Variants in ITPK1 observed in about 807,000 individuals in gnomAD.
ITPK1 encodes the protein inositol 1,3,4-trisphosphate 5/6-kinase.
In ITPK1, 21 loss-of-function variants were observed where a neutral mutation model predicts 45.3. The observed-to-expected ratio is 0.46, with a 90% CI of 0.33 to 0.67. The LOEUF is 0.67. Among genes scored for constraint, ITPK1 ranks in the 30% least tolerant of loss-of-function variants. The pLI is 0.02. For missense variants in ITPK1, 474 were observed against 573.5 expected, an observed-to-expected ratio of 0.83 and a Z score of 1.77; for synonymous variants, 258 against 253.6, an observed-to-expected ratio of 1.02 and a Z score of -0.16.
At chr14:93,037,840 A>G (rs1450296927) in intron 3 of ITPK1, among the ~76,000 whole-genome samples, 1 of 152,242 alleles carries the variant, frequency 6.6e-6, no homozygotes, top group African/African-American at 2.4e-5. Context: ...ATTAATGTCC[A>G]TTGTAAGAGA....
intron 5 of ITPK1, among the ~76,000 whole-genome samples, chr14:92,971,774 C>T (rs1028949673): frequency 1.3e-5 from 2 of 152,202 alleles, no homozygotes; most frequent in African/African-American, 4.8e-5. Context: ...CCAGTGATGC[C>T]GCCCACCTCC....
At chr14:93,023,305 G>A (rs1160502526) in intron 3 of ITPK1, among the ~76,000 whole-genome samples, 1 of 152,216 alleles carries the variant, frequency 6.6e-6, no homozygotes, top group Non-Finnish European at 1.5e-5. Context: ...TTCCTGGGCA[G>A]AGCATGTAAC....
chr14:93,032,894 G>A lies in ITPK1; in HGVS notation c.121-16093C>T, dbSNP rs969316491. Among the ~76,000 whole-genome samples, 12 of 152,220 alleles carry A rather than the reference G, an allele frequency of 7.9e-5. No individual in the cohort carries two copies. The highest frequency in any genetic ancestry group is 1.6e-4 in the Non-Finnish European group (11 of 68,034). The stretch of plus-strand genomic sequence containing the variant: ...CGGATCGGATCGTGCACCCTGCAAA[G>A]CCAGCCCTTTTCTCTAGGGGGTGAG... On this transcript the variant is annotated intron_variant, in intron 3 of 10. Transcript: ENST00000267615. This position sits in a 1 kb window ranked among gnomAD's most constrained non-coding sequence, Gnocchi z 4.0.
intron 8 of ITPK1, among the ~76,000 whole-genome samples, 185 bp from the exon 9 acceptor site, chr14:92,952,198 C>T (rs1431298060): frequency 1.3e-5 from 2 of 152,216 alleles, no homozygotes; most frequent in African/African-American, 2.4e-5. Context: ...ATCAGGGCTC[C>T]GGTTCACCTT....
intron 5 of ITPK1, among the ~76,000 whole-genome samples, chr14:92,991,210 G>A (rs555476379): frequency 1.3e-5 from 2 of 152,268 alleles, no homozygotes; most frequent in South Asian, 2.1e-4. Context: ...GGCCCAGGGT[G>A]TGCTTCCCAG....
intron 2 of ITPK1, among the ~76,000 whole-genome samples, chr14:93,089,130 C>T (rs1452719905): frequency 6.6e-6 from 1 of 152,216 alleles, no homozygotes; most frequent in Non-Finnish European, 1.5e-5. Context: ...AATCCTCCCT[C>T]AGAACCTTGA....
chr14:93,101,149 TC>T (rs1892302934), intron 2 of ITPK1, among the ~76,000 whole-genome samples: 1 of 152,186 alleles, frequency 6.6e-6, no homozygotes, highest in South Asian at 2.1e-4. Flanking sequence ...CACCCTCGCC[TC>T]TTCACACTCC....
intron 3 of ITPK1, chr14:93,069,012 A>G (rs1235350265): frequency 1.3e-5 from 2 of 152,322 alleles, no homozygotes; most frequent in Non-Finnish European, 2.9e-5. Flanking sequence ...CCGGCCAGAA[A>G]CAAGGGAGGA....
In ITPK1 at chr14:92,952,011, G is replaced by T; in HGVS notation, c.673C>A (p.Arg225Ser). The change falls in exon 9 of 11, where the codon CGT (arginine) becomes AGT (serine). Residue 225 changes from arginine to serine, a missense_variant and splice_region_variant. Arg to Ser is a moderately radical substitution (Grantham distance 110). Around this residue, in one of 2 missense-constraint regions of ITPK1, gnomAD observed 367 missense variants for 480.6 expected, o/e 0.76. Coordinates refer to ENST00000267615, the MANE Select transcript of ITPK1 (RefSeq NM_014216.6). ...TGGCTGTTGAAGAAGATGGACTCAC[G>T]GTCTGAAAAAGCGACAGGAAGGAGC... ...LKNFSAGTSD[R>S]ESIFFNSHNV... is the part of the protein sequence containing the mutation. 6.4e-7 allele frequency: 1 copy of T among 1,568,942 alleles called. No homozygotes were observed. The highest frequency in any genetic ancestry group is 8.6e-7 in the Non-Finnish European group (1 of 1,156,356).
chr14:93,003,892 AAGTTATCTGTATCTCAGTTTCC>A (rs1887480841), intron 4 of ITPK1, among the ~76,000 whole-genome samples: 1 of 152,214 alleles, frequency 6.6e-6, no homozygotes, highest in Non-Finnish European at 1.5e-5. Flanking sequence ...AAAGTCACTT[AAGTTATCTGTATCTCAGTTTCC>A]CATCTGTAAG....
intron 3 of ITPK1, among the ~76,000 whole-genome samples, chr14:93,027,527 G>T (rs1888800139): frequency 6.6e-6 from 1 of 152,186 alleles, no homozygotes; most frequent in African/African-American, 2.4e-5. Context: ...AGCTAATGAT[G>T]AAGGAGCTGG....
At chr14:93,066,344 G>C in intron 3 of ITPK1, 2 of 438,840 alleles carry the variant, frequency 4.6e-6, no homozygotes, top group Non-Finnish European at 9.2e-6. Flanking sequence ...GTGTGTGTAG[G>C]GGGCAGAGGC....
chr14:93,007,521 A>C (rs1887683225), intron 4 of ITPK1, among the ~76,000 whole-genome samples: 1 of 152,114 alleles, frequency 6.6e-6, no homozygotes, highest in Non-Finnish European at 1.5e-5. Context: ...GCAGGGAGAG[A>C]ACAGTCATCC....
chr14:93,056,671 C>G (rs955199013), intron 3 of ITPK1, among the ~76,000 whole-genome samples: 3 of 152,202 alleles, frequency 2.0e-5, no homozygotes, highest in African/African-American at 7.2e-5. Flanking sequence ...ATTCCAGAAC[C>G]TTCTATACCA....
In ITPK1 at chr14:93,063,517, A is replaced by G. The variant is rs2139956757; in HGVS notation, c.120+13078T>C. On this transcript the variant is annotated intron_variant, in intron 3 of 10. Transcript: ENST00000267615. This position sits in a 1 kb window ranked among gnomAD's most constrained non-coding sequence, Gnocchi z 4.3. ...CTCCTACGAGGGCCTGAGTTTTAGA[A>G]GGCCTTCTCACTTGCCCTCCCCTCG... Among the ~76,000 whole-genome samples, 1 of 152,326 alleles carries G rather than the reference A, an allele frequency of 6.6e-6. No homozygotes were observed. The highest frequency in any genetic ancestry group is 1.9e-4 in the East Asian group (1 of 5,184).
chr14:92,984,489 T>G (rs1211657036), intron 5 of ITPK1, among the ~76,000 whole-genome samples: 1 of 152,208 alleles, frequency 6.6e-6, no homozygotes, highest in African/African-American at 2.4e-5. Context: ...TACTTAGGAT[T>G]TTTTTCTTTT....
In ITPK1 at chr14:92,942,361, G is replaced by A. The variant is rs116319179; in HGVS notation, c.902-457C>T. Among the ~76,000 whole-genome samples the A allele has an allele frequency of 2.2e-3, 333 of 152,256 alleles. 2 individuals carry two copies. Among genetic ancestry groups the A allele is most frequent in the South Asian group, 7.5e-3 (36 of 4,818 alleles). On this transcript the variant is annotated intron_variant, in intron 10 of 10. Transcript: ENST00000267615. ...TGAGTCTGGCCTCAGGCTGAGTCCC[G>A]GAGACCGCTTCCACCCTGAGCCTCA...
At chr14:92,989,252 C>T (rs535976007) in intron 5 of ITPK1, among the ~76,000 whole-genome samples, 6 of 152,148 alleles carry the variant, frequency 3.9e-5, no homozygotes, top group Non-Finnish European at 7.3e-5. Flanking sequence ...ATTCAATCTG[C>T]GGTATGCACC....
Position 93,088,887 on chromosome 14 carries a change from C to T in ITPK1, c.96-12268G>A, listed in dbSNP as rs117933062. Among the ~76,000 whole-genome samples, 110 of 152,262 alleles carry T rather than the reference C, an allele frequency of 7.2e-4. 1 individual carries two copies. The East Asian group carries it at 0.02, about 28-fold the overall frequency. On this transcript the variant is annotated intron_variant, in intron 2 of 10. Transcript: ENST00000267615. ...GTAAGAAGCAGAACCACAATCTAAA[C>T]CCATCCAAATACCAGTAATTCCCAG...
Sources: allele counts gnomAD v4.1 joint callset (sites outside exome capture counted in the v4.1 genomes callset), GRCh38; gene constraint gnomAD v4.1.1; regional missense constraint gnomAD v4.1.1; non-coding constraint Gnocchi (gnomAD v3.1); transcripts MANE v1.5; gene names NCBI Gene and HGNC (gene_info 2026-07-23, HGNC 2026-07-21).